CCDC158: variants seen among roughly 807,000 people sequenced by gnomAD.
The protein encoded by CCDC158 is coiled-coil domain-containing protein 158.
CCDC158 carries 116 observed loss-of-function variants against 138.6 expected under a neutral mutation model. The ratio of observed to expected loss-of-function variants is 0.84; its 90% CI spans 0.72 to 0.98. The LOEUF (loss-of-function observed/expected upper bound fraction) is 0.98, where lower values mean the gene tolerates loss of function less well. Among genes scored for constraint, CCDC158 ranks in the 50% least tolerant of loss-of-function variants. The pLI, the probability that CCDC158 is intolerant of heterozygous loss-of-function variation, is 0.00. For synonymous variants in CCDC158, 436 were observed against 442.4 expected, an observed-to-expected ratio of 0.99 and a Z score of 0.18; for missense variants, 1,265 against 1,306.1, an observed-to-expected ratio of 0.97 and a Z score of 0.48.
intron 18 of CCDC158, among the ~76,000 whole-genome samples, chr4:76,342,206 A>ATT (rs11452475): frequency 2.0e-5 from 3 of 151,970 alleles, no homozygotes; most frequent in African/African-American, 7.3e-5. Context: ...TGTCTGAATA[A>ATT]TTTTTTTATT....
intron 22 of CCDC158, among the ~76,000 whole-genome samples, chr4:76,327,941 C>T (rs1720674480): frequency 6.6e-6 from 1 of 152,132 alleles, no homozygotes; most frequent in Non-Finnish European, 1.5e-5. Context: ...CTAACATATT[C>T]TGTATAATTA....
Position 76,328,900 on chromosome 4 carries a change from C to G in CCDC158, c.3010G>C (p.Ala1004Pro), listed in dbSNP as rs762952575. The G allele has an allele frequency of 1.9e-6, 3 of 1,612,840 alleles. No homozygotes were observed. In the African/African-American group the frequency reaches 4.0e-5, roughly 22 times the overall value. The change falls in exon 22 of 25, where the codon GCA (alanine) becomes CCA (proline). Residue 1004 changes from alanine to proline, a missense_variant and splice_region_variant. Ala to Pro is a conservative substitution (Grantham distance 27). Coordinates refer to ENST00000682701, the MANE Select transcript of CCDC158 (RefSeq NM_001394954.1). ...PSGCFTFTSAASPSVKNSASR... is the reference protein window; with the variant it reads ...PSGCFTFTSAPSPSVKNSASR... ...TTCTGTGCTTTCATTGGAAACTCAC[C>G]TGCAGATGTGAATGTGAAGCAACCA...
chr4:76,323,223 A>G (rs1720201217), intron 24 of CCDC158, 79 bp downstream of exon 24: 4 of 1,025,662 alleles, frequency 3.9e-6, no homozygotes, highest in South Asian at 3.0e-5. Context: ...CAGCAGGTCT[A>G]TAGACAGGAG....
chr4:76,347,867 G>A (rs952053330), intron 18 of CCDC158, among the ~76,000 whole-genome samples: 2 of 152,144 alleles, frequency 1.3e-5, no homozygotes, highest in African/African-American at 4.8e-5. Context: ...CAGGCTCGGA[G>A]GGGATTCAAA....
chr4:76,327,437 C>T (rs1353213628), intron 22 of CCDC158, among the ~76,000 whole-genome samples: 1 of 152,014 alleles, frequency 6.6e-6, no homozygotes, highest in Non-Finnish European at 1.5e-5. Flanking sequence ...TTTCACAAAC[C>T]TAGATGGTAT....
At chr4:76,353,621 AAAC>A (rs1324531310) in intron 15 of CCDC158, among the ~76,000 whole-genome samples, 1 of 152,252 alleles carries the variant, frequency 6.6e-6, no homozygotes, top group African/African-American at 2.4e-5. Flanking sequence ...AATTTATTTT[AAAC>A]AACAGAGATT....
At chr4:76,358,906 T>C (rs944715052) in intron 13 of CCDC158, among the ~76,000 whole-genome samples, 3 of 152,222 alleles carry the variant, frequency 2.0e-5, no homozygotes, top group African/African-American at 7.2e-5. Context: ...TGATACTTCA[T>C]ACCATACTAA....
chr4:76,399,366 AC>A (rs1385244235), intron 3 of CCDC158, among the ~76,000 whole-genome samples: 1 of 152,188 alleles, frequency 6.6e-6, no homozygotes, highest in Non-Finnish European at 1.5e-5. Context: ...CGGGCTTAAT[AC>A]CTAGGTGATG....
chr4:76,333,764 A>G (rs1282818782), intron 19 of CCDC158, among the ~76,000 whole-genome samples: 1 of 152,204 alleles, frequency 6.6e-6, no homozygotes, highest in East Asian at 1.9e-4. Flanking sequence ...AAATTTACAA[A>G]CATAACTTTG....
At chr4:76,419,392 C>T (rs1409259535) in intron 1 of CCDC158, among the ~76,000 whole-genome samples, 2 of 152,206 alleles carry the variant, frequency 1.3e-5, no homozygotes, top group Non-Finnish European at 1.5e-5. Flanking sequence ...TAGTTCCCTA[C>T]AGTTTCCATA....
chr4:76,403,779 C>T (rs376721689), intron 2 of CCDC158, among the ~76,000 whole-genome samples: 3 of 152,156 alleles, frequency 2.0e-5, no homozygotes, highest in African/African-American at 7.2e-5. Context: ...CTCCACACCC[C>T]TAGCATCACT....
At chr4:76,400,151 A>G (rs1728217459) in intron 3 of CCDC158, among the ~76,000 whole-genome samples, 1 of 152,076 alleles carries the variant, frequency 6.6e-6, no homozygotes, top group Non-Finnish European at 1.5e-5. Flanking sequence ...CTTGGAACCA[A>G]CCCAAATATC....
intron 2 of CCDC158, chr4:76,407,423 A>C (rs2109887105): frequency 6.6e-6 from 1 of 152,012 alleles, no homozygotes; most frequent in Admixed American, 6.6e-5. Flanking sequence ...AGAGACTGCT[A>C]CTTGAGGAAA....
intron 4 of CCDC158, among the ~76,000 whole-genome samples, chr4:76,390,116 G>C (rs1406012871): frequency 6.6e-6 from 1 of 152,052 alleles, no homozygotes; most frequent in Non-Finnish European, 1.5e-5. Flanking sequence ...AAGGCTAAAT[G>C]ATAAACCAAT....
chr4:76,393,415 A>G (rs1254822621), intron 4 of CCDC158, among the ~76,000 whole-genome samples: 1 of 152,118 alleles, frequency 6.6e-6, no homozygotes, highest in African/African-American at 2.4e-5. Context: ...GGTACTGGGA[A>G]AACTGGATAT....
chr4:76,375,217 A>T, intron 9 of CCDC158: 1 of 267,372 alleles, frequency 3.7e-6, no homozygotes, highest in Non-Finnish European at 6.9e-6. Flanking sequence ...ACGTAGTAGC[A>T]CTGGTTTTCC....
chr4:76,313,264 A>G lies in CCDC158; in HGVS notation c.3278-18T>C. 6 of 1,513,338 alleles carry G rather than the reference A, an allele frequency of 4.0e-6. No individual in the cohort carries two copies. Among genetic ancestry groups the G allele is most frequent in the Non-Finnish European group, 5.5e-6 (6 of 1,095,786 alleles). 93.7% of individuals were successfully genotyped at this position (1,513,338 alleles called of 1,614,324 possible). ...AGACATTGCTGAAAATGTTGATAAA[A>G]CAGTTAGAATAACAAAATCTACTTA... is the stretch of plus-strand genomic sequence containing the variant. On this transcript the variant is annotated intron_variant, in intron 24 of 24. Coordinates refer to ENST00000682701, the MANE Select transcript of CCDC158 (RefSeq NM_001394954.1).
At chr4:76,409,271 C>T (rs1324172816) in intron 2 of CCDC158, among the ~76,000 whole-genome samples, 1 of 151,814 alleles carries the variant, frequency 6.6e-6, no homozygotes, top group African/African-American at 2.4e-5. Context: ...TATTTTCAGG[C>T]ATAAAGCTTA....
Position 76,384,203 on chromosome 4 carries a change from AT to A in CCDC158, c.610del (p.Ile204TyrfsTer23). The A allele has an allele frequency of 6.2e-7, 1 of 1,613,934 alleles. No homozygotes were observed. Among genetic ancestry groups the A allele is most frequent in the Non-Finnish European group, 8.5e-7 (1 of 1,179,896 alleles). On this transcript the variant is annotated frameshift_variant, in exon 6 of 25. Coordinates refer to ENST00000682701, the MANE Select transcript of CCDC158 (RefSeq NM_001394954.1). LOFTEE classifies it high-confidence loss of function. ...AGTAGACATGCTGTCATGTTCACATATTTTTTTGCCTGAGGCTTCTTCAAAG... is the reference window on the plus strand; with the variant it reads ...AGTAGACATGCTGTCATGTTCACATATTTTTTGCCTGAGGCTTCTTCAAAG... ...VDFEEASGKK[I>X]CEHDSMSTLH... is the part of the protein sequence containing the mutation.
Sources: allele counts gnomAD v4.1 joint callset (sites outside exome capture counted in the v4.1 genomes callset), GRCh38; gene constraint gnomAD v4.1.1; transcripts MANE v1.5; gene names NCBI Gene and HGNC (gene_info 2026-07-23, HGNC 2026-07-21).